Variants in ARMH3 observed in about 807,000 individuals in gnomAD.
The protein encoded by ARMH3 is armadillo like helical domain containing 3, also known as armadillo-like helical domain-containing protein 3.
In ARMH3, 60 loss-of-function variants were observed where a neutral mutation model predicts 99.1. That is an observed-to-expected ratio of 0.61 (90% CI 0.49 to 0.75). The LOEUF (loss-of-function observed/expected upper bound fraction) is 0.75. ARMH3 is among the 30% of genes least tolerant of loss of function. The probability of loss-of-function intolerance (pLI) is 0.00; values close to 1 mark genes in which losing one functional copy is unlikely to be tolerated. For synonymous variants in ARMH3, 285 were observed against 292.8 expected, an observed-to-expected ratio of 0.97 and a Z score of 0.27; for missense variants, 679 against 843.1, an observed-to-expected ratio of 0.81 and a Z score of 2.41.
chr10:101,951,958 T>A (rs918532458), intron 22 of ARMH3, among the ~76,000 whole-genome samples: 1 of 150,816 alleles, frequency 6.6e-6, no homozygotes, highest in African/African-American at 2.4e-5. Flanking sequence ...AGAAGAGGAA[T>A]AAGAACAGCA....
At chr10:102,011,679 C>G in intron 11 of ARMH3, 44 bp downstream of exon 11, 1 of 1,532,064 alleles carries the variant, frequency 6.5e-7, no homozygotes, top group Non-Finnish European at 8.9e-7. Flanking sequence ...GCAGACCACA[C>G]TGTTTCTGTT....
chr10:102,026,656 G>A (rs1244706935), intron 5 of ARMH3, among the ~76,000 whole-genome samples: 1 of 152,200 alleles, frequency 6.6e-6, no homozygotes, highest in African/African-American at 2.4e-5. Context: ...GCACAGTGGT[G>A]AGATATAAGC....
chr10:102,014,032 A>G lies in ARMH3; in HGVS notation c.670-8T>C, dbSNP rs2066689379. The G allele has an allele frequency of 1.9e-6, 3 of 1,605,922 alleles. No homozygotes were observed. Among genetic ancestry groups the G allele is most frequent in the Non-Finnish European group, 1.7e-6 (2 of 1,175,622 alleles). On this transcript the variant is annotated splice_region_variant and splice_polypyrimidine_tract_variant and intron_variant, in intron 8 of 25. Transcript: ENST00000370033. The stretch of plus-strand genomic sequence containing the variant: ...AATATAAGGATTCACAGACTGTTAA[A>G]TAAGAGAAGAGACTCCAGGTAAGTC...
At chr10:101,957,771 A>G (rs1845106928) in intron 20 of ARMH3, 39 bp from the exon 21 acceptor site, 7 of 1,530,268 alleles carry the variant, frequency 4.6e-6, no homozygotes, top group Non-Finnish European at 6.1e-6. Flanking sequence ...AAGCTATTCA[A>G]ACCATGATTA....
At chr10:101,910,509 C>T (rs1842819313) in intron 23 of ARMH3, among the ~76,000 whole-genome samples, 1 of 151,938 alleles carries the variant, frequency 6.6e-6, no homozygotes, top group African/African-American at 2.4e-5. Flanking sequence ...ACGGGCAGAT[C>T]ACTTGAGGTC....
At chr10:102,050,590 G>A (rs2067677162) in intron 1 of ARMH3, among the ~76,000 whole-genome samples, 1 of 152,202 alleles carries the variant, frequency 6.6e-6, no homozygotes, top group African/African-American at 2.4e-5. Context: ...AAATGTGGTG[G>A]CTCAAGTCGG....
At chr10:101,990,761 A>G (rs1846753758) in intron 18 of ARMH3, 150 bp from the exon 19 acceptor site, 1 of 643,028 alleles carries the variant, frequency 1.6e-6, no homozygotes, top group Non-Finnish European at 2.8e-6. Flanking sequence ...TATTTTATAT[A>G]ACGCATTTTG....
At chr10:102,040,202 T>A in intron 1 of ARMH3, 77 bp from the exon 2 acceptor site, 1 of 1,237,010 alleles carries the variant, frequency 8.1e-7, no homozygotes, top group Non-Finnish European at 1.2e-6. Flanking sequence ...ATGTCATACA[T>A]TTGTCCAAGC....
At chr10:102,008,914 T>G (rs1351237678) in intron 13 of ARMH3, among the ~76,000 whole-genome samples, 1 of 152,108 alleles carries the variant, frequency 6.6e-6, no homozygotes, top group Non-Finnish European at 1.5e-5. Flanking sequence ...AACCACGTTA[T>G]CTGTTAACAG....
chr10:102,055,429 CA>C (rs1564892223), intron 1 of ARMH3, among the ~76,000 whole-genome samples: 1 of 152,194 alleles, frequency 6.6e-6, no homozygotes, highest in Non-Finnish European at 1.5e-5. Context: ...CCCCATTCGC[CA>C]GGGGCAGCAC....
chr10:101,956,470 A>G (rs925664320), intron 22 of ARMH3, 127 bp downstream of exon 22: 1 of 1,218,250 alleles, frequency 8.2e-7, no homozygotes, highest in African/African-American at 1.5e-5. Context: ...AGAAGAGGAG[A>G]CTACTATATT....
intron 10 of ARMH3, 66 bp from the exon 11 acceptor site, chr10:102,011,849 T>C: frequency 7.3e-7 from 1 of 1,378,342 alleles, no homozygotes; most frequent in Non-Finnish European, 1.0e-6. Flanking sequence ...CCTTGACATT[T>C]GGGGTAATCA....
chr10:102,038,847 C>T (rs565191612), intron 2 of ARMH3, among the ~76,000 whole-genome samples: 15 of 152,012 alleles, frequency 9.9e-5, no homozygotes, highest in African/African-American at 3.6e-4. Context: ...TTAAGCAATC[C>T]TCCCACTTCA....
intron 22 of ARMH3, among the ~76,000 whole-genome samples, chr10:101,944,257 TATATATATATATATATAGAGAG>T (rs1844380867): frequency 3.2e-5 from 2 of 62,164 alleles, no homozygotes; most frequent in Non-Finnish European, 5.6e-5. Flanking sequence ...TATATATATA[TATATATATATATATATAGAGAG>T]AGAGAGAGAG....
intron 13 of ARMH3, among the ~76,000 whole-genome samples, chr10:102,007,296 G>T (rs187182524): frequency 2.3e-4 from 35 of 149,538 alleles, no homozygotes; most frequent in African/African-American, 6.6e-4. Flanking sequence ...AAGCAACTAG[G>T]TTCCCATTAC....
chr10:101,931,119 G>T (rs560826373), intron 23 of ARMH3, among the ~76,000 whole-genome samples: 117 of 152,284 alleles, frequency 7.7e-4, no homozygotes, highest in African/African-American at 2.7e-3. Flanking sequence ...GAAACAAAAA[G>T]GAATGGAAAT....
intron 23 of ARMH3, among the ~76,000 whole-genome samples, chr10:101,901,327 G>A (rs1349990753): frequency 2.6e-5 from 4 of 151,606 alleles, no homozygotes; most frequent in Admixed American, 1.3e-4. Context: ...TAAAAGACAC[G>A]GAAACAGGCT....
chr10:101,928,103 G>A (rs1843579238), intron 23 of ARMH3, among the ~76,000 whole-genome samples: 1 of 152,066 alleles, frequency 6.6e-6, no homozygotes, highest in Non-Finnish European at 1.5e-5. Context: ...GAAAATGTCA[G>A]TGTAGTTAAC....
chr10:101,853,899 G>C (rs376834593), intron 24 of ARMH3, among the ~76,000 whole-genome samples: 1 of 152,212 alleles, frequency 6.6e-6, no homozygotes, highest in Non-Finnish European at 1.5e-5. Flanking sequence ...TGGATCGCGA[G>C]GTTAAGAGTT....
Sources: gnomAD v4.1 joint callset for allele counts (sites outside exome capture counted in the v4.1 genomes callset) on GRCh38, gnomAD v4.1.1 for gene constraint, MANE v1.5 for transcripts, NCBI Gene and HGNC (gene_info 2026-07-23, HGNC 2026-07-21) for gene names.